VAV2: variants seen among roughly 807,000 people sequenced by gnomAD.
VAV2 encodes the protein vav guanine nucleotide exchange factor 2.
VAV2 carries 67 observed loss-of-function variants against 132.5 expected under a neutral mutation model. The ratio of observed to expected loss-of-function variants is 0.51; its 90% CI spans 0.42 to 0.62. The LOEUF (loss-of-function observed/expected upper bound fraction) is 0.62. Ranked by LOEUF, VAV2 falls within the 20% of genes least tolerant of loss-of-function variation. The pLI is 0.00. For missense variants in VAV2, 938 were observed against 1,153.6 expected (o/e 0.81, Z 2.71); for synonymous variants, 492 against 443.5 (o/e 1.11, Z -1.37).
At position 133,787,774 on chromosome 9, in the gene VAV2, C is replaced by T. The variant is rs113352719; in HGVS notation, c.1408-514G>A. Among the ~76,000 whole-genome samples the T allele has an allele frequency of 8.5e-3, 1,300 of 152,260 alleles. 15 individuals carry two copies. Among genetic ancestry groups the T allele is most frequent in the African/African-American group, 0.029 (1,214 of 41,550 alleles). ...CCGTCCCTGTAGCCCTGGCCCCACCCGCTGGCAGCCACAGGCCCACCTCTG... is the reference window on the plus strand; with the variant it reads ...CCGTCCCTGTAGCCCTGGCCCCACCTGCTGGCAGCCACAGGCCCACCTCTG... On this transcript the variant is annotated intron_variant, in intron 15 of 29. Transcript: ENST00000371850.
intron 3 of VAV2, among the ~76,000 whole-genome samples, chr9:133,845,516 A>T (rs1836898239): frequency 6.6e-6 from 1 of 152,168 alleles, no homozygotes; most frequent in African/African-American, 2.4e-5. Flanking sequence ...GGACTGGGTG[A>T]CGCAGCAGCT....
At chr9:133,877,760 G>A (rs1274413098) in intron 2 of VAV2, among the ~76,000 whole-genome samples, 1 of 152,190 alleles carries the variant, frequency 6.6e-6, no homozygotes, top group Non-Finnish European at 1.5e-5. Flanking sequence ...GTTTCCAGTG[G>A]CTTCACTGGC....
At chr9:133,944,592 CACAG>C (rs902908059) in intron 1 of VAV2, among the ~76,000 whole-genome samples, 8 of 152,354 alleles carry the variant, frequency 5.3e-5, no homozygotes, top group Admixed American at 1.3e-4. Context: ...TGGCCCACTG[CACAG>C]ACAGACAACC....
At chr9:133,836,999 C>T (rs1211039326) in intron 3 of VAV2, among the ~76,000 whole-genome samples, 4 of 152,196 alleles carry the variant, frequency 2.6e-5, no homozygotes, top group Non-Finnish European at 4.4e-5. Flanking sequence ...GAGCTGAGCC[C>T]GGGGCAGCGA....
In VAV2 at chr9:133,969,242, C is replaced by G. The variant is rs1180818760; in HGVS notation, c.204+22833G>C. On this transcript the variant is annotated intron_variant, in intron 1 of 29. Coordinates refer to ENST00000371850, the MANE Select transcript of VAV2 (RefSeq NM_001134398.2). The surrounding 1 kb of genome is among the most constrained non-coding windows in gnomAD (Gnocchi z 5.1). ...GCCTCTGCACCTGCTTCCCTCCTGC[C>G]GGATGAACTGCGGCTTCTCACGGCT... 6.6e-6 allele frequency among the ~76,000 whole-genome samples: 1 copy of G among 150,776 alleles called. No individual in the cohort carries two copies. Among genetic ancestry groups the G allele is most frequent in the Non-Finnish European group, 1.5e-5 (1 of 68,028 alleles).
intron 2 of VAV2, among the ~76,000 whole-genome samples, chr9:133,907,604 C>T (rs573581068): frequency 6.6e-6 from 1 of 152,364 alleles, no homozygotes; most frequent in South Asian, 2.1e-4. Context: ...GGGAGAAGGC[C>T]TCGCTGGAAT....
chr9:133,953,419 C>G (rs1453734453), intron 1 of VAV2, among the ~76,000 whole-genome samples: 1 of 152,232 alleles, frequency 6.6e-6, no homozygotes, highest in Non-Finnish European at 1.5e-5. Flanking sequence ...TTTCTTCCAC[C>G]CTTTGTTCCC....
At chr9:133,890,489 C>A (rs372443770) in intron 2 of VAV2, among the ~76,000 whole-genome samples, 1 of 152,142 alleles carries the variant, frequency 6.6e-6, no homozygotes, top group South Asian at 2.1e-4. Context: ...CAAGGGGCCA[C>A]GGCTCTCCCT....
rs1211143668 is a variant in VAV2 at position 133,928,418 on chromosome 9, C to T, written c.321+10685G>A. Among the ~76,000 whole-genome samples, 2 of 152,208 alleles carry T rather than the reference C, an allele frequency of 1.3e-5. No individual in the cohort carries two copies. Among genetic ancestry groups the T allele is most frequent in the Non-Finnish European group, 2.9e-5 (2 of 68,044 alleles). On this transcript the variant is annotated intron_variant, in intron 2 of 29. Coordinates refer to ENST00000371850, the MANE Select transcript of VAV2 (RefSeq NM_001134398.2). This position sits in a 1 kb window ranked among gnomAD's most constrained non-coding sequence, Gnocchi z 5.4. ...AGCCTGAGGCAGCTCCCCACCCCAGCGAGGAGCGACTGCATTTTAATAAGT... is the reference window on the plus strand; with the variant it reads ...AGCCTGAGGCAGCTCCCCACCCCAGTGAGGAGCGACTGCATTTTAATAAGT...
chr9:133,791,748 G>A (rs757151599), intron 13 of VAV2, 35 bp downstream of exon 13: 8 of 1,584,976 alleles, frequency 5.0e-6, no homozygotes, highest in Admixed American at 3.3e-5. Flanking sequence ...CGTCCTCATC[G>A]ACCTTCCCTA....
chr9:133,848,718 T>G (rs1007126375), intron 3 of VAV2, among the ~76,000 whole-genome samples: 3 of 152,144 alleles, frequency 2.0e-5, no homozygotes, highest in Non-Finnish European at 4.4e-5. Flanking sequence ...AAGAAAGCCA[T>G]GGGCTGGGGG....
At chr9:133,803,743 C>A (rs1370694852) in intron 9 of VAV2, among the ~76,000 whole-genome samples, 2 of 152,206 alleles carry the variant, frequency 1.3e-5, no homozygotes, top group Non-Finnish European at 2.9e-5. Context: ...GCTGCCAGGA[C>A]CCTGTCACAA....
chr9:133,808,778 C>T (rs1260501453), intron 7 of VAV2, among the ~76,000 whole-genome samples: 3 of 152,318 alleles, frequency 2.0e-5, no homozygotes, highest in East Asian at 1.9e-4. Flanking sequence ...GAGCTGAAGC[C>T]GTAATCCCAC....
chr9:133,850,084 G>A (rs1049784998), intron 3 of VAV2, among the ~76,000 whole-genome samples: 13 of 152,084 alleles, frequency 8.5e-5, no homozygotes, highest in Admixed American at 1.3e-4. Flanking sequence ...CACCTCTTGC[G>A]GCTGTGCCTC....
At position 133,848,782 on chromosome 9, in the gene VAV2, G is replaced by A. The variant is rs1396275711; in HGVS notation, c.380+12592C>T. Among the ~76,000 whole-genome samples, 9 of 152,272 alleles carry A rather than the reference G, an allele frequency of 5.9e-5. No individual in the cohort carries two copies. The South Asian group carries it at 1.9e-3, about 32-fold the overall frequency. On this transcript the variant is annotated intron_variant, in intron 3 of 29. Transcript: ENST00000371850. ...GCTCCTGCGTCGTTCAGGCTCCCCT[G>A]AACTCCTGGCAGCCCATCCCATGGC...
chr9:133,851,602 C>A (rs146532056), intron 3 of VAV2, among the ~76,000 whole-genome samples: 289 of 152,236 alleles, frequency 1.9e-3, no homozygotes, highest in Non-Finnish European at 3.3e-3. Context: ...TTCTAGAGTA[C>A]CACACTGAGA....
intron 2 of VAV2, among the ~76,000 whole-genome samples, chr9:133,881,386 C>T (rs746478101): frequency 8.5e-5 from 13 of 152,208 alleles, no homozygotes; most frequent in Admixed American, 5.2e-4. Context: ...GAAGGAGGAG[C>T]GCCCAGCTCT....
At chr9:133,813,871 A>T (rs1024968681) in intron 4 of VAV2, among the ~76,000 whole-genome samples, 2 of 152,234 alleles carry the variant, frequency 1.3e-5, no homozygotes, top group African/African-American at 4.8e-5. Flanking sequence ...GTAGAAAAAC[A>T]GTTATTCTCT....
chr9:133,767,887 G>A (rs959950202), intron 29 of VAV2, among the ~76,000 whole-genome samples: 1 of 152,222 alleles, frequency 6.6e-6, no homozygotes, highest in African/African-American at 2.4e-5. Flanking sequence ...CAGATGGGGT[G>A]TTGGGATGAA....
Sources: allele counts gnomAD v4.1 joint callset (sites outside exome capture counted in the v4.1 genomes callset), GRCh38; gene constraint gnomAD v4.1.1; non-coding constraint Gnocchi (gnomAD v3.1); transcripts MANE v1.5; gene names NCBI Gene and HGNC (gene_info 2026-07-23, HGNC 2026-07-21).